RORA: variants seen among roughly 807,000 people sequenced by gnomAD.
RORA encodes nuclear receptor ROR-alpha.
In RORA, 7 loss-of-function variants were observed where a neutral mutation model predicts 69.5. The observed-to-expected ratio is 0.10, with a 90% confidence interval of 0.06 to 0.19. The LOEUF (loss-of-function observed/expected upper bound fraction) is 0.19. RORA is among the 10% of genes least tolerant of loss of function. The pLI is 1.00. For missense variants in RORA, 457 were observed against 663.0 expected, an observed-to-expected ratio of 0.69 and a Z score of 3.41; for synonymous variants, 261 against 240.8, an observed-to-expected ratio of 1.08 and a Z score of -0.78.
chr15:61,007,128 G>A (rs1894934539), intron 1 of RORA, among the ~76,000 whole-genome samples: 1 of 152,104 alleles, frequency 6.6e-6, no homozygotes, highest in South Asian at 2.1e-4. Flanking sequence ...CCAGGGCTAT[G>A]AACACCATTG....
intron 2 of RORA, among the ~76,000 whole-genome samples, chr15:60,626,639 T>C (rs2069590024): frequency 6.6e-6 from 1 of 152,104 alleles, no homozygotes; most frequent in African/African-American, 2.4e-5. Flanking sequence ...ATTACCCCCA[T>C]TTGATAGGAC....
At chr15:60,773,347 G>A (rs2140883333) in intron 1 of RORA, among the ~76,000 whole-genome samples, 1 of 152,112 alleles carries the variant, frequency 6.6e-6, no homozygotes, top group East Asian at 1.9e-4. Flanking sequence ...CTACATGGAT[G>A]TACATATTTG....
chr15:60,989,803 C>T (rs2140368460), intron 1 of RORA, among the ~76,000 whole-genome samples: 1 of 151,730 alleles, frequency 6.6e-6, no homozygotes, highest in East Asian at 1.9e-4. Flanking sequence ...CTATTTTTGT[C>T]AGAAATTACT....
chr15:60,863,892 C>T (rs1456460156), intron 1 of RORA, among the ~76,000 whole-genome samples: 2 of 152,024 alleles, frequency 1.3e-5, no homozygotes, highest in African/African-American at 4.8e-5. Context: ...CTGCAACCTC[C>T]GCCTCCCAGG....
intron 2 of RORA, among the ~76,000 whole-genome samples, chr15:60,637,047 T>G (rs1249499429): frequency 6.6e-6 from 1 of 151,782 alleles, no homozygotes; most frequent in African/African-American, 2.4e-5. Flanking sequence ...ATGGTTTTTG[T>G]GTGCATTAAT....
chr15:60,568,847 G>A (rs1005233515), intron 2 of RORA, among the ~76,000 whole-genome samples: 5 of 151,876 alleles, frequency 3.3e-5, no homozygotes, highest in South Asian at 4.1e-4. Flanking sequence ...TTGCAAGGAC[G>A]GAACAGGGAG....
At position 60,865,027 on chromosome 15, in the gene RORA, T is replaced by A. The variant is rs117389998; in HGVS notation, c.167-186341A>T. ...GAAAGTTGATGCTGTGAAGAGGAAA[T>A]AAGAGGCCAGATAAATTCAAGGTAA... On this transcript the variant is annotated intron_variant, in intron 1 of 10. Coordinates refer to ENST00000335670, the MANE Select transcript of RORA (RefSeq NM_134261.3). 8.1e-3 allele frequency among the ~76,000 whole-genome samples: 1,239 copies of A among 152,298 alleles called. 14 individuals carry two copies. Among genetic ancestry groups the A allele is most frequent in the Non-Finnish European group, 0.014 (923 of 68,020 alleles).
intron 1 of RORA, among the ~76,000 whole-genome samples, chr15:60,824,135 G>A (rs1422858062): frequency 6.6e-6 from 1 of 152,194 alleles, no homozygotes; most frequent in Non-Finnish European, 1.5e-5. Flanking sequence ...GTTCAGGGGA[G>A]TTCCAAGGAA....
chr15:60,818,132 TG>T (rs1212484861), intron 1 of RORA, among the ~76,000 whole-genome samples: 1 of 152,088 alleles, frequency 6.6e-6, no homozygotes, highest in African/African-American at 2.4e-5. Flanking sequence ...GAGGGATATT[TG>T]GATGGGGAGA....
chr15:61,106,707 A>C (rs2078952613), intron 1 of RORA, among the ~76,000 whole-genome samples: 1 of 152,116 alleles, frequency 6.6e-6, no homozygotes, highest in African/African-American at 2.4e-5. Flanking sequence ...AGTCATCTCT[A>C]CTTGCATAAC....
At chr15:60,736,947 G>A (rs990616316) in intron 1 of RORA, 6 of 152,160 alleles carry the variant, frequency 3.9e-5, no homozygotes, top group African/African-American at 1.4e-4. Flanking sequence ...AGAAAACTGA[G>A]GTCTTGCTAG....
At chr15:61,088,975 G>C (rs2078665213) in intron 1 of RORA, among the ~76,000 whole-genome samples, 1 of 152,108 alleles carries the variant, frequency 6.6e-6, no homozygotes. Context: ...CAAAACGGTA[G>C]CCTCCTAAAC....
rs199697683 is a variant in RORA, at chr15:60,627,205, C to T, written c.196+51452G>A. 1,086 of 1,595,024 alleles carry T rather than the reference C, an allele frequency of 6.8e-4. 1 individual carries two copies. The highest frequency in any genetic ancestry group is 9.0e-4 in the Non-Finnish European group (1,043 of 1,163,056). The stretch of plus-strand genomic sequence containing the variant: ...TGGGGGGAGGGTACACAGTGATCAG[C>T]AGAGCAAAGAACTTGCTCTCAGTGG... On this transcript the variant is annotated intron_variant, in intron 2 of 10. Transcript: ENST00000335670.
intron 1 of RORA, among the ~76,000 whole-genome samples, chr15:61,141,172 T>C (rs138659395): frequency 6.6e-6 from 1 of 152,232 alleles, no homozygotes; most frequent in South Asian, 2.1e-4. Context: ...GATATATTTA[T>C]AGACCATACA....
intron 2 of RORA, among the ~76,000 whole-genome samples, chr15:60,662,810 C>T (rs1220552357): frequency 6.6e-6 from 1 of 152,068 alleles, no homozygotes; most frequent in African/African-American, 2.4e-5. Flanking sequence ...CCATTTTTGT[C>T]CCCCTGTAGT....
Position 60,546,289 on chromosome 15 carries a change from AT to A in RORA, c.197-14439del, listed in dbSNP as rs2067067597. On this transcript the variant is annotated intron_variant, in intron 2 of 10. Transcript: ENST00000335670. ...GGGATTTGATTTAGGACAAATTGTTATTTGGATGGATGCTTGTCTATTGAGA... is the reference window on the plus strand; with the variant it reads ...GGGATTTGATTTAGGACAAATTGTTATTGGATGGATGCTTGTCTATTGAGA... 2.6e-5 allele frequency: 4 copies of A among 152,348 alleles called. No individual in the cohort carries two copies. In the South Asian group the frequency reaches 8.3e-4, roughly 32 times the overall value. 9.4% of individuals were successfully genotyped at this position (152,348 alleles called of 1,614,324 possible).
intron 2 of RORA, among the ~76,000 whole-genome samples, chr15:60,630,172 T>C (rs1439313455): frequency 6.6e-6 from 1 of 152,218 alleles, no homozygotes; most frequent in Non-Finnish European, 1.5e-5. Flanking sequence ...TCTACACTGA[T>C]GCAAAGGACA....
At chr15:60,929,881 A>G (rs1044425632) in intron 1 of RORA, among the ~76,000 whole-genome samples, 3 of 152,132 alleles carry the variant, frequency 2.0e-5, no homozygotes, top group African/African-American at 7.2e-5. Flanking sequence ...GTGTATTTTG[A>G]CAAGCTCGCC....
At chr15:60,583,484 G>T (rs935754005) in intron 2 of RORA, among the ~76,000 whole-genome samples, 25 of 152,208 alleles carry the variant, frequency 1.6e-4, no homozygotes, top group Non-Finnish European at 8.8e-5. Context: ...ACCCAGCCCA[G>T]GCACACAGTG....
Sources: gnomAD v4.1 joint callset for allele counts (sites outside exome capture counted in the v4.1 genomes callset) on GRCh38, gnomAD v4.1.1 for gene constraint, MANE v1.5 for transcripts, NCBI Gene and HGNC (gene_info 2026-07-23, HGNC 2026-07-21) for gene names.